Variants in NRXN1 observed in about 807,000 individuals in gnomAD.
NRXN1 encodes neurexin 1, also known as neurexin-1.
In NRXN1, 39 loss-of-function variants were observed where a neutral mutation model predicts 150.9. The ratio of observed to expected loss-of-function variants is 0.26; its 90% CI spans 0.20 to 0.34. NRXN1 has a LOEUF of 0.34. Ranked by LOEUF, NRXN1 falls within the 10% of genes least tolerant of loss-of-function variation. NRXN1 has a pLI of 1.00. For missense variants in NRXN1, 1,815 were observed against 1,949.9 expected (o/e 0.93, Z 1.30); for synonymous variants, 924 against 757.0 (o/e 1.22, Z -3.62).
intron 18 of NRXN1, among the ~76,000 whole-genome samples, chr2:50,095,976 C>G (rs1007462331): frequency 2.8e-4 from 38 of 136,434 alleles, no homozygotes; most frequent in African/African-American, 1.0e-3. Context: ...GTGATGTTCC[C>G]CTTCCTGTGT....
intron 22 of NRXN1, among the ~76,000 whole-genome samples, chr2:49,931,505 A>C (rs1272972921): frequency 6.6e-6 from 1 of 152,064 alleles, no homozygotes; most frequent in Non-Finnish European, 1.5e-5. Flanking sequence ...AATAGTTGAC[A>C]GCTAACTTGA....
chr2:50,153,882 T>C (rs2058851229), intron 18 of NRXN1, among the ~76,000 whole-genome samples: 1 of 151,612 alleles, frequency 6.6e-6, no homozygotes, highest in African/African-American at 2.4e-5. Context: ...AAAACACAGG[T>C]CTCTGGTATT....
chr2:50,729,877 G>T (rs1697872655), intron 5 of NRXN1, among the ~76,000 whole-genome samples: 1 of 152,138 alleles, frequency 6.6e-6, no homozygotes, highest in Non-Finnish European at 1.5e-5. Flanking sequence ...TGAGGCTGTG[G>T]ATCCCTCACA....
intron 19 of NRXN1, among the ~76,000 whole-genome samples, chr2:50,081,855 G>C (rs966708416): frequency 6.6e-6 from 1 of 152,106 alleles, no homozygotes. Context: ...TACGAGAAAG[G>C]CTTGTCATTG....
intron 8 of NRXN1, among the ~76,000 whole-genome samples, chr2:50,587,025 G>A (rs1413082523): frequency 2.7e-5 from 4 of 146,770 alleles, no homozygotes; most frequent in Non-Finnish European, 4.5e-5. Context: ...ATTCACAACA[G>A]TGAGACACAA....
rs1705620356 is a variant in NRXN1 at position 50,789,392 on chromosome 2, C to A, written c.832+132477G>T. ...ACAATGTAAAGATTCTAGCTCTATT[C>A]AATCTCAGCTACAGGGCAATCACAA... On this transcript the variant is annotated intron_variant, in intron 5 of 22. Coordinates refer to ENST00000401669, the MANE Select transcript of NRXN1 (RefSeq NM_001330078.2). Among the ~76,000 whole-genome samples the A allele has an allele frequency of 2.6e-5, 4 of 152,180 alleles. No homozygotes were observed. In the South Asian group the frequency reaches 8.3e-4, roughly 32 times the overall value.
intron 5 of NRXN1, among the ~76,000 whole-genome samples, chr2:50,632,150 C>T (rs1682443173): frequency 2.0e-5 from 3 of 151,708 alleles, no homozygotes; most frequent in South Asian, 4.1e-4. Flanking sequence ...ATCTTATTAC[C>T]GACTTGGTCA....
intron 19 of NRXN1, among the ~76,000 whole-genome samples, chr2:50,062,266 A>C (rs1247845300): frequency 6.6e-6 from 1 of 152,058 alleles, no homozygotes; most frequent in African/African-American, 2.4e-5. Context: ...TTAGGTCATG[A>C]GGAAAGAGCT....
At chr2:50,377,577 AT>A (rs2080611351) in intron 17 of NRXN1, among the ~76,000 whole-genome samples, 2 of 152,084 alleles carry the variant, frequency 1.3e-5, no homozygotes, top group African/African-American at 4.8e-5. Context: ...GGACTAGTTG[AT>A]CTCCAAAGTG....
At chr2:50,402,240 T>A (rs1190210314) in intron 17 of NRXN1, among the ~76,000 whole-genome samples, 1 of 152,098 alleles carries the variant, frequency 6.6e-6, no homozygotes, top group African/African-American at 2.4e-5. Context: ...TCCACTAATT[T>A]AATACATCCA....
chr2:51,025,814 C>T lies in NRXN1; in HGVS notation c.772+1688G>A, dbSNP rs561528555. ...AAAACATAACTGTAAAGCCTGCTCTCATAACCATAGAAATGTACTGTTAAA... is the reference window on the plus strand; with the variant it reads ...AAAACATAACTGTAAAGCCTGCTCTTATAACCATAGAAATGTACTGTTAAA... On this transcript the variant is annotated intron_variant, in intron 2 of 22. Coordinates refer to ENST00000401669, the MANE Select transcript of NRXN1 (RefSeq NM_001330078.2). 5.4e-4 allele frequency among the ~76,000 whole-genome samples: 82 copies of T among 152,272 alleles called. 1 individual carries two copies. The highest frequency in any genetic ancestry group is 1.8e-3 in the African/African-American group (76 of 41,562).
At chr2:50,533,319 T>C (rs1004853936) in intron 10 of NRXN1, among the ~76,000 whole-genome samples, 2 of 152,184 alleles carry the variant, frequency 1.3e-5, no homozygotes, top group African/African-American at 2.4e-5. Flanking sequence ...AATTGGAATA[T>C]GAAATTTCAA....
At chr2:50,289,086 G>GA (rs2072573904) in intron 17 of NRXN1, among the ~76,000 whole-genome samples, 1 of 152,104 alleles carries the variant, frequency 6.6e-6, no homozygotes, top group African/African-American at 2.4e-5. Flanking sequence ...CGTATAAGGA[G>GA]AAATAGAACT....
At chr2:49,943,831 C>T in intron 21 of NRXN1, 40 bp from the exon 22 acceptor site, 1 of 1,394,402 alleles carries the variant, frequency 7.2e-7, no homozygotes, top group Non-Finnish European at 1.0e-6. Flanking sequence ...TTTAAAGGGT[C>T]CTAACAGATT....
chr2:50,155,875 G>T lies in NRXN1; in HGVS notation c.3547-64381C>A, dbSNP rs72832069. Among the ~76,000 whole-genome samples the T allele has an allele frequency of 2.2e-3, 327 of 151,504 alleles. 1 individual carries two copies. Among genetic ancestry groups the T allele is most frequent in the Non-Finnish European group, 3.6e-3 (241 of 67,660 alleles). On this transcript the variant is annotated intron_variant, in intron 18 of 22. Coordinates refer to ENST00000401669, the MANE Select transcript of NRXN1 (RefSeq NM_001330078.2). ...ATGAGACAGTACACACATTTCTACT[G>T]TTTAAAAAAAAGTAGACATTTGTAA... is the stretch of plus-strand genomic sequence containing the variant.
intron 18 of NRXN1, among the ~76,000 whole-genome samples, chr2:50,121,212 C>G (rs910753114): frequency 6.6e-6 from 1 of 151,760 alleles, no homozygotes; most frequent in African/African-American, 2.4e-5. Flanking sequence ...TAGTGGAGAC[C>G]GGGTTTCGCC....
At chr2:50,506,389 G>T in intron 13 of NRXN1, 106 bp downstream of exon 13, 1 of 955,150 alleles carries the variant, frequency 1.0e-6, no homozygotes, top group Non-Finnish European at 1.5e-6. Flanking sequence ...TGGATTGTGT[G>T]AATACATTTC....
At chr2:50,923,892 T>A (rs1686469798) in intron 3 of NRXN1, among the ~76,000 whole-genome samples, 1 of 151,792 alleles carries the variant, frequency 6.6e-6, no homozygotes, top group Admixed American at 6.6e-5. Context: ...CAAATAATCA[T>A]CTAATCACAA....
intron 5 of NRXN1, among the ~76,000 whole-genome samples, chr2:50,727,679 T>C (rs1697559197): frequency 6.6e-6 from 1 of 152,138 alleles, no homozygotes; most frequent in Admixed American, 6.6e-5. Flanking sequence ...TAAAGTGCTC[T>C]AAGGACTAAT....
Sources: allele counts gnomAD v4.1 joint callset (sites outside exome capture counted in the v4.1 genomes callset), GRCh38; gene constraint gnomAD v4.1.1; transcripts MANE v1.5; gene names NCBI Gene and HGNC (gene_info 2026-07-23, HGNC 2026-07-21).